Variants in IGF2R observed in about 807,000 individuals in gnomAD.
The protein encoded by IGF2R is cation-independent mannose-6-phosphate receptor.
In IGF2R, 91 loss-of-function variants were observed where a neutral mutation model predicts 270.6. The ratio of observed to expected loss-of-function variants is 0.34; its 90% CI spans 0.28 to 0.40. The LOEUF is 0.40. Among genes scored for constraint, IGF2R ranks in the 10% least tolerant of loss-of-function variants. IGF2R has a pLI of 1.00. For synonymous variants in IGF2R, 1,316 were observed against 1,258.9 expected (o/e 1.05, Z -0.96); for missense variants, 2,805 against 3,188.3 (o/e 0.88, Z 2.90).
At chr6:160,043,031 G>A in intron 11 of IGF2R, 117 bp from the exon 12 acceptor site, 2 of 1,073,466 alleles carry the variant, frequency 1.9e-6, no homozygotes, top group Non-Finnish European at 2.7e-6. Flanking sequence ...TGGGGATTGA[G>A]TGACGAAGTG....
intron 39 of IGF2R, among the ~76,000 whole-genome samples, chr6:160,080,525 C>T (rs750664517): frequency 6.6e-6 from 1 of 152,218 alleles, no homozygotes; most frequent in Non-Finnish European, 1.5e-5. Flanking sequence ...TAGGCCCACT[C>T]ACTAGCTGGA....
chr6:160,094,093 C>A (rs1779292666), intron 44 of IGF2R: 6 of 495,952 alleles, frequency 1.2e-5, no homozygotes, highest in South Asian at 8.8e-5. Flanking sequence ...CCATCATTCC[C>A]CTTCTCCCAA....
chr6:160,042,909 C>T (rs958286534), intron 11 of IGF2R, among the ~76,000 whole-genome samples: 7 of 152,046 alleles, frequency 4.6e-5, no homozygotes, highest in African/African-American at 1.7e-4. Context: ...GTTGGGCCTA[C>T]TCTTCTGAAG....
intron 2 of IGF2R, among the ~76,000 whole-genome samples, chr6:159,999,516 G>T (rs1369695407): frequency 6.6e-6 from 1 of 152,202 alleles, no homozygotes; most frequent in Non-Finnish European, 1.5e-5. Context: ...GATTGGAGCT[G>T]AAATGGAGAC....
chr6:160,067,108 C>G (rs1778601761), intron 29 of IGF2R, among the ~76,000 whole-genome samples: 1 of 152,206 alleles, frequency 6.6e-6, no homozygotes, highest in East Asian at 1.9e-4. Context: ...AGTTCTTCCT[C>G]TGATGGACAT....
At chr6:160,062,479 A>C in intron 25 of IGF2R, 53 bp from the exon 26 acceptor site, 1 of 1,431,664 alleles carries the variant, frequency 7.0e-7, no homozygotes, top group Non-Finnish European at 9.9e-7. Flanking sequence ...GCCCCATTTG[A>C]TTAATTTTTA....
intron 18 of IGF2R, among the ~76,000 whole-genome samples, chr6:160,049,566 C>T (rs1190650559): frequency 6.6e-6 from 1 of 152,186 alleles, no homozygotes; most frequent in Non-Finnish European, 1.5e-5. Context: ...CTCAGAGATG[C>T]TCCAGAGCTG....
At chr6:160,091,466 T>A (rs972728366) in intron 44 of IGF2R, among the ~76,000 whole-genome samples, 1 of 152,164 alleles carries the variant, frequency 6.6e-6, no homozygotes, top group Non-Finnish European at 1.5e-5. Context: ...TGGGTCAGCA[T>A]CGCTGCTCCT....
At chr6:160,042,351 T>C (rs541000682) in intron 11 of IGF2R, among the ~76,000 whole-genome samples, 10 of 152,340 alleles carry the variant, frequency 6.6e-5, no homozygotes, top group African/African-American at 2.4e-4. Flanking sequence ...TGATGAGTCA[T>C]GGGGTTTTGC....
rs564467544 is a variant in IGF2R at position 159,983,532 on chromosome 6, G to A, written c.150-7652G>A. 3.3e-5 allele frequency among the ~76,000 whole-genome samples: 5 copies of A among 152,218 alleles called. No individual in the cohort carries two copies. In the East Asian group the frequency reaches 5.8e-4, roughly 18 times the overall value. On this transcript the variant is annotated intron_variant, in intron 1 of 47. Transcript: ENST00000356956. ...GGGAAAGATTCCGACTGTGTGCTTG[G>A]TTTATATGGTTAAATTAATTGCCCT... is the stretch of plus-strand genomic sequence containing the variant.
chr6:160,060,611 A>AT lies in IGF2R; in HGVS notation c.3158dup (p.Leu1054ProfsTer17). ...ATGATGTTTACTCAGGGCCCCTCAA[A>AT]TTCCTGCATCAAGATATCGACTCTG... On this transcript the variant is annotated frameshift_variant, in exon 23 of 48. Coordinates refer to ENST00000356956, the MANE Select transcript of IGF2R (RefSeq NM_000876.4). LOFTEE classifies it high-confidence loss of function. The AT allele has an allele frequency of 6.2e-7, 1 of 1,614,230 alleles. No individual in the cohort carries two copies. The highest frequency in any genetic ancestry group is 8.5e-7 in the Non-Finnish European group (1 of 1,180,032).
At chr6:160,063,314 G>A in intron 26 of IGF2R, 101 bp from the exon 27 acceptor site, 2 of 885,766 alleles carry the variant, frequency 2.3e-6, no homozygotes, top group Admixed American at 1.8e-5. Context: ...TGGGATTACA[G>A]GCGTGAGCCA....
At chr6:160,045,557 T>C (rs8191796) in intron 13 of IGF2R, among the ~76,000 whole-genome samples, 188 bp from the exon 14 acceptor site, 1,527 of 152,272 alleles carry the variant, frequency 0.01, 20 homozygotes, top group African/African-American at 0.034. Context: ...CTCTACGGAT[T>C]TGACTGTTCT....
At chr6:160,101,624 T>A (rs1327104519) in intron 45 of IGF2R, among the ~76,000 whole-genome samples, 5 of 152,246 alleles carry the variant, frequency 3.3e-5, no homozygotes, top group African/African-American at 1.2e-4. Flanking sequence ...TGGGGTTGCC[T>A]CTTATCACCA....
chr6:160,053,109 G>A (rs988795593), intron 19 of IGF2R, among the ~76,000 whole-genome samples: 3 of 152,174 alleles, frequency 2.0e-5, no homozygotes, highest in Admixed American at 1.3e-4. Flanking sequence ...AAGACCTTCT[G>A]CACGGCAAAA....
At chr6:160,029,767 C>A (rs1777654003) in intron 7 of IGF2R, 112 bp downstream of exon 7, 3 of 696,918 alleles carry the variant, frequency 4.3e-6, no homozygotes, top group South Asian at 3.3e-5. Context: ...AAGCTGGGAG[C>A]CATGACAGAG....
intron 2 of IGF2R, among the ~76,000 whole-genome samples, chr6:160,001,354 C>T (rs373884193): frequency 1.1e-4 from 16 of 151,944 alleles, no homozygotes; most frequent in Admixed American, 2.6e-4. Flanking sequence ...CTCCCATCAC[C>T]CCCAGATGGG....
In IGF2R at chr6:160,073,773, G is replaced by A; in HGVS notation, c.4964G>A (p.Arg1655Lys). The part of the protein sequence containing the change: ...ACEQATECSV[R>K]NGSSIVDLSP... Reference sequence around the variant, plus strand: ...ACTTAACAGACCGAATGTTCCGTGAGGAATGGAAGCTCTATTGTTGACTTG... The same window carrying A: ...ACTTAACAGACCGAATGTTCCGTGAAGAATGGAAGCTCTATTGTTGACTTG... Residue 1655 changes from arginine to lysine, a missense_variant, in exon 35 of 48, where the codon AGG becomes AAG. Transcript: ENST00000356956. The A allele has an allele frequency of 6.2e-7, 1 of 1,614,074 alleles. No individual in the cohort carries two copies. The highest frequency in any genetic ancestry group is 1.1e-5 in the South Asian group (1 of 91,076).
In IGF2R at chr6:160,060,539, C is replaced by G; in HGVS notation, c.3092-8C>G. 6.2e-7 allele frequency: 1 copy of G among 1,613,994 alleles called. No individual in the cohort carries two copies. Among genetic ancestry groups the G allele is most frequent in the Non-Finnish European group, 8.5e-7 (1 of 1,179,856 alleles). ...GTCTCTTAAAATCTGGGCCTTCTTG[C>G]TTTACAGGTACCGCTGATGCTTTTA... On this transcript the variant is annotated splice_region_variant and splice_polypyrimidine_tract_variant and intron_variant, in intron 22 of 47. Coordinates refer to ENST00000356956, the MANE Select transcript of IGF2R (RefSeq NM_000876.4).
Sources: gnomAD v4.1 joint callset for allele counts (sites outside exome capture counted in the v4.1 genomes callset) on GRCh38, gnomAD v4.1.1 for gene constraint, MANE v1.5 for transcripts, NCBI Gene and HGNC (gene_info 2026-07-23, HGNC 2026-07-21) for gene names.